The following RBFOX1 variants were observed in gnomAD, a reference collection of about 807,000 sequenced individuals.
The protein encoded by RBFOX1 is RNA binding fox-1 homolog 1.
RBFOX1 carries 8 observed loss-of-function variants against 57.7 expected under a neutral mutation model. The observed-to-expected ratio is 0.14, with a 90% confidence interval of 0.08 to 0.25. RBFOX1 has a LOEUF of 0.25. Among genes scored for constraint, RBFOX1 ranks in the 10% least tolerant of loss-of-function variants. The pLI is 1.00. For synonymous variants in RBFOX1, 326 were observed against 222.4 expected (o/e 1.47, Z -4.15); for missense variants, 611 against 548.5 (o/e 1.11, Z -1.14).
intron 3 of RBFOX1, among the ~76,000 whole-genome samples, chr16:5,847,107 G>A (rs773306270): frequency 3.3e-5 from 5 of 152,164 alleles, no homozygotes; most frequent in Admixed American, 6.5e-5. Flanking sequence ...CTGTGCAAGG[G>A]CCAGGCTGTT....
intron 4 of RBFOX1, among the ~76,000 whole-genome samples, chr16:7,458,338 G>A (rs571951527): frequency 1.3e-4 from 20 of 152,256 alleles, no homozygotes; most frequent in African/African-American, 3.6e-4. Context: ...CCCTGGGCCA[G>A]TCCACTTTGT....
chr16:6,403,266 A>G (rs1416121496), intron 2 of RBFOX1, among the ~76,000 whole-genome samples: 2 of 152,204 alleles, frequency 1.3e-5, no homozygotes, highest in African/African-American at 4.8e-5. Context: ...GCACTAGGTC[A>G]GTTTACTCCA....
intron 1 of RBFOX1, among the ~76,000 whole-genome samples, chr16:6,275,031 A>C (rs183417692): frequency 5.9e-5 from 9 of 152,328 alleles, no homozygotes; most frequent in African/African-American, 1.9e-4. Context: ...GGAAATATCC[A>C]GTCTTGCTTC....
At chr16:6,471,767 A>T (rs809704) in intron 2 of RBFOX1, among the ~76,000 whole-genome samples, 56,145 of 151,596 alleles carry the variant, frequency 0.37, 11,411 homozygotes, top group South Asian at 0.6. Context: ...GGATCTGGAG[A>T]CTCCTTTGCA....
At chr16:7,045,940 G>T (rs1197248800) in intron 3 of RBFOX1, among the ~76,000 whole-genome samples, 1 of 152,152 alleles carries the variant, frequency 6.6e-6, no homozygotes, top group Non-Finnish European at 1.5e-5. Flanking sequence ...TTACAGGTGT[G>T]AGCCACCATG....
At chr16:6,979,324 G>C (rs1334054524) in intron 3 of RBFOX1, among the ~76,000 whole-genome samples, 6 of 152,182 alleles carry the variant, frequency 3.9e-5, no homozygotes, top group Non-Finnish European at 8.8e-5. Flanking sequence ...ATAGCATTCA[G>C]TTGAGGGTAG....
At chr16:5,672,565 A>C (rs2050043920) in intron 3 of RBFOX1, among the ~76,000 whole-genome samples, 1 of 151,336 alleles carries the variant, frequency 6.6e-6, no homozygotes, top group Non-Finnish European at 1.5e-5. Flanking sequence ...TCTCTGTAAG[A>C]TTTTCATTTG....
At chr16:6,500,289 A>T (rs1366231220) in intron 2 of RBFOX1, among the ~76,000 whole-genome samples, 2 of 152,196 alleles carry the variant, frequency 1.3e-5, no homozygotes, top group African/African-American at 2.4e-5. Flanking sequence ...ATCTGTGTTC[A>T]ACACACCATG....
intron 11 of RBFOX1, among the ~76,000 whole-genome samples, chr16:7,633,951 C>T (rs2061371370): frequency 6.6e-6 from 1 of 152,180 alleles, no homozygotes; most frequent in South Asian, 2.1e-4. Flanking sequence ...CCATTTCCTG[C>T]AACAGGTCAG....
At chr16:5,334,789 T>C (rs761640036) in intron 1 of RBFOX1, among the ~76,000 whole-genome samples, 12 of 151,540 alleles carry the variant, frequency 7.9e-5, no homozygotes, top group Non-Finnish European at 1.5e-4. Context: ...ACCGTGGTCA[T>C]TGTCCTTAAG....
At chr16:6,417,736 A>G (rs1949987433) in intron 2 of RBFOX1, among the ~76,000 whole-genome samples, 1 of 149,808 alleles carries the variant, frequency 6.7e-6, no homozygotes, top group South Asian at 2.1e-4. Flanking sequence ...GTTCAAGGGT[A>G]TAAGTGCAGG....
At chr16:6,898,090 A>G (rs2067412095) in intron 3 of RBFOX1, among the ~76,000 whole-genome samples, 1 of 152,208 alleles carries the variant, frequency 6.6e-6, no homozygotes, top group Admixed American at 6.5e-5. Context: ...CAAAGAAATG[A>G]GGTGAACCGA....
chr16:7,594,991 A>T (rs2094612979), intron 7 of RBFOX1, among the ~76,000 whole-genome samples: 1 of 152,144 alleles, frequency 6.6e-6, no homozygotes, highest in Non-Finnish European at 1.5e-5. Flanking sequence ...TTAGGCTTTT[A>T]AGTTTTATTT....
At chr16:7,650,247 G>A (rs1191450948) in intron 11 of RBFOX1, among the ~76,000 whole-genome samples, 2 of 151,498 alleles carry the variant, frequency 1.3e-5, no homozygotes, top group Non-Finnish European at 1.5e-5. Context: ...AACCACCCAG[G>A]ACACTTGAAT....
At chr16:6,542,643 C>A (rs974167491) in intron 2 of RBFOX1, among the ~76,000 whole-genome samples, 2 of 151,848 alleles carry the variant, frequency 1.3e-5, no homozygotes, top group African/African-American at 4.8e-5. Flanking sequence ...GCGCCCGCCA[C>A]CATGCCTGGC....
intron 3 of RBFOX1, among the ~76,000 whole-genome samples, chr16:6,677,663 G>C (rs978175621): frequency 5.3e-5 from 8 of 152,164 alleles, no homozygotes; most frequent in African/African-American, 1.9e-4. Flanking sequence ...AGTTTGGGCT[G>C]TTCCAAAGTT....
At chr16:5,851,072 TC>T (rs1467120591) in intron 3 of RBFOX1, among the ~76,000 whole-genome samples, 1 of 152,106 alleles carries the variant, frequency 6.6e-6, no homozygotes, top group Non-Finnish European at 1.5e-5. Context: ...CTTCCCCAAT[TC>T]CCAGGCCTGC....
chr16:6,398,573 G>A (rs2092935860), intron 2 of RBFOX1, among the ~76,000 whole-genome samples: 1 of 152,132 alleles, frequency 6.6e-6, no homozygotes. Context: ...CAGGTCCCAT[G>A]TGAGTCCAAA....
chr16:7,563,535 T>A (rs1487100428), intron 5 of RBFOX1, among the ~76,000 whole-genome samples: 1 of 152,240 alleles, frequency 6.6e-6, no homozygotes, highest in Non-Finnish European at 1.5e-5. Flanking sequence ...TGGCACGATC[T>A]CTGCTCACTG....
Sources: gnomAD v4.1 joint callset for allele counts (sites outside exome capture counted in the v4.1 genomes callset) on GRCh38, gnomAD v4.1.1 for gene constraint, MANE v1.5 for transcripts, NCBI Gene and HGNC (gene_info 2026-07-23, HGNC 2026-07-21) for gene names.